The following XIRP2 variants were observed in gnomAD, a reference collection of about 807,000 sequenced individuals.
The protein encoded by XIRP2 is xin actin-binding repeat-containing protein 2.
A neutral mutation model predicts 277.0 loss-of-function variants in XIRP2; 236 were observed. That is an observed-to-expected ratio of 0.85 (90% CI 0.77 to 0.95). XIRP2 has a LOEUF of 0.95. Ranked by LOEUF, XIRP2 falls within the 40% of genes least tolerant of loss-of-function variation. XIRP2 has a pLI of 0.00. For synonymous variants in XIRP2, 1,490 were observed against 1,416.5 expected, an observed-to-expected ratio of 1.05 and a Z score of -1.17; for missense variants, 4,640 against 4,157.5, an observed-to-expected ratio of 1.12 and a Z score of -3.19.
At chr2:167,157,109 T>C (rs547892984) in intron 3 of XIRP2, among the ~76,000 whole-genome samples, 1 of 152,266 alleles carries the variant, frequency 6.6e-6, no homozygotes, top group East Asian at 1.9e-4. Context: ...ACAAAATGCA[T>C]TGAGTGCACT....
At chr2:167,082,798 T>C (rs1281848232) in intron 2 of XIRP2, among the ~76,000 whole-genome samples, 1 of 152,176 alleles carries the variant, frequency 6.6e-6, no homozygotes, top group Non-Finnish European at 1.5e-5. Flanking sequence ...TTGTTTGTTT[T>C]TTTCTTGTAA....
intron 3 of XIRP2, among the ~76,000 whole-genome samples, chr2:167,170,184 A>G (rs948918369): frequency 6.6e-6 from 1 of 152,236 alleles, no homozygotes; most frequent in Non-Finnish European, 1.5e-5. Context: ...TGATCTCTTT[A>G]TTATATTGCT....
intron 2 of XIRP2, among the ~76,000 whole-genome samples, chr2:166,988,515 G>A (rs931625044): frequency 5.2e-5 from 7 of 134,146 alleles, no homozygotes; most frequent in East Asian, 6.6e-4. Flanking sequence ...CGTGAGCGAC[G>A]CAGAAGACAG....
In XIRP2 at chr2:167,244,790, C is replaced by T. The variant is rs766796820; in HGVS notation, c.3398C>T (p.Thr1133Ile). 7 of 1,613,412 alleles carry T rather than the reference C, an allele frequency of 4.3e-6. No homozygotes were observed. The highest frequency in any genetic ancestry group is 5.9e-6 in the Non-Finnish European group (7 of 1,179,744). The change falls in exon 9 of 11, where the codon ACT (threonine) becomes ATT (isoleucine). Residue 1133 changes from threonine to isoleucine, a missense_variant. Coordinates refer to ENST00000409195, the MANE Select transcript of XIRP2 (RefSeq NM_152381.6). ...AAAACTTGTACTTGGCTCTTTGAAA[C>T]TCAGCCACTTGATACCATAAAAGAT... ...DVKTCTWLFE[T>I]QPLDTIKDDS...
chr2:167,176,436 G>C (rs1174809089), intron 3 of XIRP2, among the ~76,000 whole-genome samples: 2 of 152,192 alleles, frequency 1.3e-5, no homozygotes, highest in African/African-American at 4.8e-5. Context: ...GACCGGAGCT[G>C]TTCCCATTCA....
chr2:167,058,361 A>G lies in XIRP2; in HGVS notation c.409-77548A>G, dbSNP rs528528586. Reference sequence around the variant, plus strand: ...TTCCTGCAGTGCTGGGATTGCAGGCATGAGCCAAGGTGACTGGCCTCTTTG... The same window carrying G: ...TTCCTGCAGTGCTGGGATTGCAGGCGTGAGCCAAGGTGACTGGCCTCTTTG... On this transcript the variant is annotated intron_variant, in intron 2 of 10. Transcript: ENST00000409195. Among the ~76,000 whole-genome samples the G allele has an allele frequency of 5.9e-5, 9 of 152,250 alleles. No individual in the cohort carries two copies. In the South Asian group the frequency reaches 1.5e-3, roughly 25 times the overall value.
At chr2:167,098,773 G>T (rs1320191341) in intron 2 of XIRP2, among the ~76,000 whole-genome samples, 2 of 152,226 alleles carry the variant, frequency 1.3e-5, no homozygotes, top group Non-Finnish European at 2.9e-5. Context: ...CTTTCTGTTT[G>T]TTAGTTTTCC....
intron 5 of XIRP2, among the ~76,000 whole-genome samples, chr2:167,228,514 A>G (rs1694670848): frequency 1.3e-5 from 2 of 152,286 alleles, no homozygotes; most frequent in South Asian, 4.1e-4. Flanking sequence ...GAAATGGTGC[A>G]GTCTGTACAG....
chr2:167,222,868 T>C (rs1271844123), intron 5 of XIRP2, among the ~76,000 whole-genome samples: 1 of 152,222 alleles, frequency 6.6e-6, no homozygotes, highest in African/African-American at 2.4e-5. Flanking sequence ...CCTCTTTTTT[T>C]TTCTTTTTCC....
Position 167,247,045 on chromosome 2 carries a change from T to C in XIRP2, c.5653T>C (p.Ser1885Pro), listed in dbSNP as rs766950954. 1.2e-6 allele frequency: 2 copies of C among 1,613,232 alleles called. No individual in the cohort carries two copies. The part of the protein sequence containing the change: ...LKESSHRWKE[S>P]KQPDAIPGDI... The stretch of plus-strand genomic sequence containing the variant: ...AGAATCAAGCCATCGATGGAAAGAA[T>C]CTAAACAGCCTGATGCCATCCCTGG... Residue 1885 changes from serine (S) to proline (P), a missense_variant, in exon 9 of 11, where the codon TCT becomes CCT. Coordinates refer to ENST00000409195, the MANE Select transcript of XIRP2 (RefSeq NM_152381.6).
chr2:166,964,089 C>G (rs1311374832), intron 2 of XIRP2, among the ~76,000 whole-genome samples: 1 of 151,418 alleles, frequency 6.6e-6, no homozygotes, highest in Non-Finnish European at 1.5e-5. Context: ...ATTCTGAGGA[C>G]AATAAGTAGG....
chr2:166,923,850 T>C (rs1685119538), intron 2 of XIRP2, among the ~76,000 whole-genome samples: 1 of 152,064 alleles, frequency 6.6e-6, no homozygotes, highest in African/African-American at 2.4e-5. Flanking sequence ...ACACAGGATA[T>C]CTTCCATTTG....
At chr2:166,951,191 G>T (rs1686022089) in intron 2 of XIRP2, among the ~76,000 whole-genome samples, 1 of 152,052 alleles carries the variant, frequency 6.6e-6, no homozygotes, top group Non-Finnish European at 1.5e-5. Flanking sequence ...AGTTAAGCTT[G>T]TATATACGTT....
chr2:167,099,077 C>T (rs939977545), intron 2 of XIRP2, among the ~76,000 whole-genome samples: 1 of 152,166 alleles, frequency 6.6e-6, no homozygotes, highest in Non-Finnish European at 1.5e-5. Context: ...CAGGAAGGAA[C>T]GTTTAAGTTT....
At chr2:166,920,994 T>G (rs1435316964) in intron 2 of XIRP2, among the ~76,000 whole-genome samples, 1 of 152,128 alleles carries the variant, frequency 6.6e-6, no homozygotes, top group African/African-American at 2.4e-5. Flanking sequence ...AATAAACAAG[T>G]AACTTTATGC....
intron 1 of XIRP2, among the ~76,000 whole-genome samples, chr2:166,899,834 T>TTA (rs1226148799): frequency 6.6e-6 from 1 of 152,142 alleles, no homozygotes; most frequent in African/African-American, 2.4e-5. Context: ...GGTATGTTGC[T>TTA]TATTGGTAAT....
In XIRP2 at chr2:167,005,574, C is replaced by T. The variant is rs190175795; in HGVS notation, c.408+101684C>T. Among the ~76,000 whole-genome samples the T allele has an allele frequency of 1.1e-4, 16 of 151,778 alleles. No homozygotes were observed. In the East Asian group the frequency reaches 1.7e-3, roughly 17 times the overall value. ...TTATAAAGATTTGGAGATTATTCAA[C>T]GTAAAATAGAGAAGGCTTTAGAATG... On this transcript the variant is annotated intron_variant, in intron 2 of 10. Transcript: ENST00000409195.
At chr2:167,034,793 A>G (rs1011426567) in intron 2 of XIRP2, among the ~76,000 whole-genome samples, 4 of 152,200 alleles carry the variant, frequency 2.6e-5, no homozygotes. Flanking sequence ...TATAGCAAAT[A>G]TTATTTGTGG....
At position 167,258,090 on chromosome 2, in the gene XIRP2, A is replaced by G; in HGVS notation, c.*273A>G. 2 of 1,613,182 alleles carry G rather than the reference A, an allele frequency of 1.2e-6. No homozygotes were observed. The highest frequency in any genetic ancestry group is 1.7e-4 in the Middle Eastern group (1 of 6,056). On this transcript the variant is annotated 3_prime_UTR_variant, in exon 11 of 11. Transcript: ENST00000409195. ...CCTGGAGATCGTAATGAACATTTAGATGCTGGTAACAGTGAAGGGCAAAGG... is the reference window on the plus strand; with the variant it reads ...CCTGGAGATCGTAATGAACATTTAGGTGCTGGTAACAGTGAAGGGCAAAGG...
Sources: allele counts gnomAD v4.1 joint callset (sites outside exome capture counted in the v4.1 genomes callset), GRCh38; gene constraint gnomAD v4.1.1; transcripts MANE v1.5; gene names NCBI Gene and HGNC (gene_info 2026-07-23, HGNC 2026-07-21).